The following DACH1 variants were observed in gnomAD, a reference collection of about 807,000 sequenced individuals.
DACH1 encodes the protein dachshund homolog 1.
A neutral mutation model predicts 54.2 loss-of-function variants in DACH1; 12 were observed. The ratio of observed to expected loss-of-function variants is 0.22; its 90% CI spans 0.14 to 0.36. The LOEUF (loss-of-function observed/expected upper bound fraction) is 0.36. Ranked by LOEUF, DACH1 falls within the 10% of genes least tolerant of loss-of-function variation. The pLI, the probability that DACH1 is intolerant of heterozygous loss-of-function variation, is 1.00. For missense variants in DACH1, 805 were observed against 929.8 expected, an observed-to-expected ratio of 0.87 and a Z score of 1.75; for synonymous variants, 386 against 366.2, an observed-to-expected ratio of 1.05 and a Z score of -0.62.
intron 6 of DACH1, among the ~76,000 whole-genome samples, chr13:71,512,375 T>C (rs185957272): frequency 6.6e-6 from 1 of 151,940 alleles, no homozygotes; most frequent in East Asian, 1.9e-4. Flanking sequence ...AGTACCATTA[T>C]ATGAAAGGAG....
chr13:71,754,458 C>T (rs759699276), intron 1 of DACH1, among the ~76,000 whole-genome samples: 12 of 152,134 alleles, frequency 7.9e-5, no homozygotes, highest in Non-Finnish European at 1.8e-4. Context: ...TGATGACTCT[C>T]AGTATTTTCC....
chr13:71,467,920 A>ATAAATAG (rs1245341753), intron 10 of DACH1, among the ~76,000 whole-genome samples: 2 of 152,146 alleles, frequency 1.3e-5, no homozygotes, highest in African/African-American at 2.4e-5. Flanking sequence ...TAAATGACTA[A>ATAAATAG]TCAATAGTCA....
rs1421303285 is a variant in DACH1, at chr13:71,767,172, ATAT to A, written c.849-85265_849-85263del. ...CACTGTTTATCAATAAATTAAGTTA[ATAT>A]TAATTATTATCAATATAATGATTTA... On this transcript the variant is annotated intron_variant, in intron 1 of 10. Transcript: ENST00000613252. Among the ~76,000 whole-genome samples, 4 of 151,966 alleles carry A rather than the reference ATAT, an allele frequency of 2.6e-5. No individual in the cohort carries two copies. The East Asian group carries it at 5.8e-4, about 22-fold the overall frequency.
chr13:71,755,014 A>C (rs1406325097), intron 1 of DACH1, among the ~76,000 whole-genome samples: 5 of 152,188 alleles, frequency 3.3e-5, no homozygotes, highest in Non-Finnish European at 7.3e-5. Context: ...TTTGAAAATT[A>C]ACAAGAAAAA....
chr13:71,491,268 T>C (rs1299771435), intron 6 of DACH1, among the ~76,000 whole-genome samples: 1 of 152,164 alleles, frequency 6.6e-6, no homozygotes, highest in African/African-American at 2.4e-5. Context: ...AGTGACTGAT[T>C]TCAATTGTTA....
intron 6 of DACH1, among the ~76,000 whole-genome samples, chr13:71,544,713 T>A (rs1296269755): frequency 6.6e-6 from 1 of 152,104 alleles, no homozygotes; most frequent in Non-Finnish European, 1.5e-5. Flanking sequence ...ATAGTCTTTG[T>A]GACAGACACT....
At chr13:71,445,481 G>A (rs1187422559) in intron 10 of DACH1, among the ~76,000 whole-genome samples, 5 of 152,032 alleles carry the variant, frequency 3.3e-5, no homozygotes, top group African/African-American at 1.2e-4. Flanking sequence ...AATGTATCAA[G>A]CATTAAAGAT....
intron 1 of DACH1, among the ~76,000 whole-genome samples, chr13:71,767,159 ATAAAT>A (rs1326894975): frequency 3.9e-5 from 6 of 151,994 alleles, no homozygotes; most frequent in Non-Finnish European, 8.8e-5. Flanking sequence ...CTGTTTATCA[ATAAAT>A]TAAGTTAATA....
At chr13:71,734,913 C>T (rs956476637) in intron 1 of DACH1, among the ~76,000 whole-genome samples, 17 of 145,460 alleles carry the variant, frequency 1.2e-4, no homozygotes, top group Non-Finnish European at 1.9e-4. Flanking sequence ...TATGTATATC[C>T]CATATATGTA....
chr13:71,471,187 G>A (rs1466157290), intron 10 of DACH1, among the ~76,000 whole-genome samples: 1 of 151,800 alleles, frequency 6.6e-6, no homozygotes, highest in African/African-American at 2.4e-5. Context: ...ACTGGGCATA[G>A]AGGATGAGGG....
intron 3 of DACH1, 45 bp downstream of exon 3, chr13:71,630,511 A>C (rs534577695): frequency 3.3e-6 from 5 of 1,508,394 alleles, no homozygotes; most frequent in Non-Finnish European, 4.4e-6. Flanking sequence ...ACTGTAATTC[A>C]GTAGCAAAGT....
chr13:71,853,085 C>T lies in DACH1; in HGVS notation c.848+12837G>A, dbSNP rs114172603. Among the ~76,000 whole-genome samples the T allele has an allele frequency of 3.1e-3, 477 of 152,258 alleles. 5 individuals carry two copies. The highest frequency in any genetic ancestry group is 9.9e-3 in the African/African-American group (411 of 41,562). On this transcript the variant is annotated intron_variant, in intron 1 of 10. Transcript: ENST00000613252. ...TGGAAAAAACAGACAAGTATGCACTCTTTTTAACTGCAGCTTAGGGCGATA... is the reference window on the plus strand; with the variant it reads ...TGGAAAAAACAGACAAGTATGCACTTTTTTTAACTGCAGCTTAGGGCGATA...
intron 8 of DACH1, among the ~76,000 whole-genome samples, chr13:71,477,535 C>CA (rs1877685803): frequency 6.6e-6 from 1 of 151,972 alleles, no homozygotes; most frequent in African/African-American, 2.4e-5. Context: ...TGGTGTTATA[C>CA]GAAAAGAAAT....
chr13:71,823,868 T>G (rs1434419658), intron 1 of DACH1, among the ~76,000 whole-genome samples: 1 of 152,000 alleles, frequency 6.6e-6, no homozygotes, highest in East Asian at 1.9e-4. Context: ...AATGCATAAT[T>G]ATTGAAATAC....
At chr13:71,722,986 T>C (rs1450000495) in intron 1 of DACH1, among the ~76,000 whole-genome samples, 1 of 152,128 alleles carries the variant, frequency 6.6e-6, no homozygotes, top group Admixed American at 6.6e-5. Flanking sequence ...CTCAGTACCA[T>C]CTATATTCAA....
chr13:71,492,552 G>T (rs1035496297), intron 6 of DACH1, among the ~76,000 whole-genome samples: 3 of 152,070 alleles, frequency 2.0e-5, no homozygotes, highest in Admixed American at 6.6e-5. Context: ...CTTCATTTTG[G>T]ACTTCTAGTC....
At chr13:71,466,309 G>A (rs1034729963) in intron 10 of DACH1, among the ~76,000 whole-genome samples, 22 of 152,182 alleles carry the variant, frequency 1.4e-4, no homozygotes, top group African/African-American at 4.8e-4. Flanking sequence ...CCACAAACAT[G>A]TTTATGAGCA....
At chr13:71,718,107 T>C (rs1033141186) in intron 1 of DACH1, among the ~76,000 whole-genome samples, 1 of 151,260 alleles carries the variant, frequency 6.6e-6, no homozygotes, top group Non-Finnish European at 1.5e-5. Flanking sequence ...CCAGAACAAA[T>C]GAAGAAGGAA....
At chr13:71,763,458 T>C (rs1885485484) in intron 1 of DACH1, among the ~76,000 whole-genome samples, 1 of 152,172 alleles carries the variant, frequency 6.6e-6, no homozygotes, top group Non-Finnish European at 1.5e-5. Flanking sequence ...ATATAAAAGC[T>C]AAGAGATCAG....
Sources: allele counts gnomAD v4.1 joint callset (sites outside exome capture counted in the v4.1 genomes callset), GRCh38; gene constraint gnomAD v4.1.1; transcripts MANE v1.5; gene names NCBI Gene and HGNC (gene_info 2026-07-23, HGNC 2026-07-21).